RBPJ: variants seen among roughly 807,000 people sequenced by gnomAD.
RBPJ encodes the protein recombination signal binding protein for immunoglobulin kappa J region, also known as recombining binding protein suppressor of hairless.
RBPJ carries 9 observed loss-of-function variants against 67.8 expected under a neutral mutation model. The ratio of observed to expected loss-of-function variants is 0.13; its 90% CI spans 0.08 to 0.23. The LOEUF (loss-of-function observed/expected upper bound fraction) is 0.23, where lower values mean the gene tolerates loss of function less well. RBPJ is among the 10% of genes least tolerant of loss of function. The pLI is 1.00. For missense variants in RBPJ, 305 were observed against 595.6 expected, an observed-to-expected ratio of 0.51 and a Z score of 5.08; for synonymous variants, 198 against 203.3, an observed-to-expected ratio of 0.97 and a Z score of 0.22.
At chr4:26,120,761 T>A in the RBPJ span, among the ~76,000 whole-genome samples, 14 of 129,986 alleles carry the variant, frequency 1.1e-4, no homozygotes, top group African/African-American at 4.1e-4. Context: ...ATAAGCAATA[T>A]CCCAGCTTTA....
intron 1 of RBPJ, among the ~76,000 whole-genome samples, chr4:26,244,317 A>G (rs62639476): frequency 0.13 from 10,456 of 80,840 alleles, 981 homozygotes; most frequent in Non-Finnish European, 0.2. Context: ...ATATGTGTGT[A>G]TATGTATACA....
intron 1 of RBPJ, among the ~76,000 whole-genome samples, chr4:26,343,583 T>C (rs1261488897): frequency 6.6e-6 from 1 of 151,776 alleles, no homozygotes; most frequent in East Asian, 1.9e-4. Context: ...AATCTCGCGC[T>C]GTTGCCTAGG....
chr4:26,331,632 A>T (rs1191387687), intron 1 of RBPJ, among the ~76,000 whole-genome samples: 3 of 151,824 alleles, frequency 2.0e-5, no homozygotes, highest in African/African-American at 7.3e-5. Flanking sequence ...GCTGCTTATG[A>T]TCTTTGTCTT....
intron 1 of RBPJ, among the ~76,000 whole-genome samples, chr4:26,172,618 T>G (rs1454955238): frequency 6.6e-6 from 1 of 152,162 alleles, no homozygotes; most frequent in African/African-American, 2.4e-5. Context: ...AGAAATCTCT[T>G]TTGGAATGTC....
the RBPJ span, among the ~76,000 whole-genome samples, chr4:26,142,005 G>A: frequency 1.3e-5 from 2 of 152,256 alleles, no homozygotes; most frequent in African/African-American, 4.8e-5. Context: ...AACCTCTGAG[G>A]CTTTGCAGTT....
At chr4:26,398,512 G>A (rs1458354747) in intron 2 of RBPJ, among the ~76,000 whole-genome samples, 1 of 152,196 alleles carries the variant, frequency 6.6e-6, no homozygotes, top group African/African-American at 2.4e-5. Context: ...AATTTACTTT[G>A]AGAAACACTA....
chr4:26,391,433 A>G (rs1731491543), intron 2 of RBPJ, among the ~76,000 whole-genome samples: 1 of 152,178 alleles, frequency 6.6e-6, no homozygotes, highest in Admixed American at 6.5e-5. Context: ...TTGTAGAACA[A>G]TTGGATATCC....
At chr4:26,211,194 C>T (rs888456144) in intron 1 of RBPJ, among the ~76,000 whole-genome samples, 1 of 152,126 alleles carries the variant, frequency 6.6e-6, no homozygotes, top group Non-Finnish European at 1.5e-5. Flanking sequence ...TGTATGTGTG[C>T]AATGTACATA....
the RBPJ span, among the ~76,000 whole-genome samples, chr4:26,136,693 A>G: frequency 4.3e-4 from 66 of 152,338 alleles, no homozygotes; most frequent in African/African-American, 1.5e-3. Flanking sequence ...GATCATCATC[A>G]TTATCATTGG....
At chr4:26,356,431 TTTGTAACCCATTTGAAATG>T (rs1727386523) in intron 1 of RBPJ, among the ~76,000 whole-genome samples, 1 of 152,142 alleles carries the variant, frequency 6.6e-6, no homozygotes, top group African/African-American at 2.4e-5. Context: ...TTCCTGTCTG[TTTGTAACCCATTTGAAATG>T]TTGCACAAAT....
chr4:26,143,364 C>T, the RBPJ span, among the ~76,000 whole-genome samples: 1 of 152,218 alleles, frequency 6.6e-6, no homozygotes, highest in Non-Finnish European at 1.5e-5. Context: ...CACTCCTGTG[C>T]TCAAAACCCT....
chr4:26,255,359 G>A (rs868837371), intron 1 of RBPJ, among the ~76,000 whole-genome samples: 17 of 108,056 alleles, frequency 1.6e-4, no homozygotes, highest in African/African-American at 5.3e-4. Flanking sequence ...AGCCGAGATC[G>A]CGCCACCGCA....
the RBPJ span, among the ~76,000 whole-genome samples, chr4:26,157,090 C>CAAAAAAAAAAAAAAAAAAAA: frequency 2.4e-5 from 1 of 41,758 alleles, no homozygotes; most frequent in South Asian, 8.1e-4. Flanking sequence ...AACAAACAAA[C>CAAAAAAAAAAAAAAAAAAAA]AAACAAACAA....
chr4:26,231,510 C>A (rs1719285022), intron 1 of RBPJ, among the ~76,000 whole-genome samples: 1 of 151,502 alleles, frequency 6.6e-6, no homozygotes, highest in Admixed American at 6.6e-5. Flanking sequence ...CTCCCAGGTT[C>A]AAGCGATTCT....
At chr4:26,258,375 A>G (rs1343616114) in intron 1 of RBPJ, among the ~76,000 whole-genome samples, 2 of 152,182 alleles carry the variant, frequency 1.3e-5, no homozygotes, top group Non-Finnish European at 2.9e-5. Flanking sequence ...TCAAACCTCC[A>G]TTAATAAAAT....
At chr4:26,175,919 T>G (rs1716779046) in intron 1 of RBPJ, among the ~76,000 whole-genome samples, 1 of 152,132 alleles carries the variant, frequency 6.6e-6, no homozygotes, top group African/African-American at 2.4e-5. Context: ...GGCAAGGTGT[T>G]ACGCACCTTC....
the RBPJ span, among the ~76,000 whole-genome samples, chr4:26,141,888 C>T: frequency 6.6e-6 from 1 of 152,204 alleles, no homozygotes; most frequent in South Asian, 2.1e-4. Flanking sequence ...CCCCTTCCCC[C>T]AAAAGAAGCA....
chr4:26,172,469 G>T (rs1716629579), intron 1 of RBPJ, among the ~76,000 whole-genome samples: 1 of 152,166 alleles, frequency 6.6e-6, no homozygotes, highest in African/African-American at 2.4e-5. Context: ...TCTCAGCCCT[G>T]AAAAGTCTCC....
intron 7 of RBPJ, among the ~76,000 whole-genome samples, chr4:26,427,397 T>G (rs1272039392): frequency 6.6e-6 from 1 of 152,178 alleles, no homozygotes; most frequent in Non-Finnish European, 1.5e-5. Context: ...GAATAGGTAG[T>G]TAAGTGTACA....
Sources: allele counts gnomAD v4.1 joint callset (sites outside exome capture counted in the v4.1 genomes callset), GRCh38; gene constraint gnomAD v4.1.1; transcripts MANE v1.5; gene names NCBI Gene and HGNC (gene_info 2026-07-23, HGNC 2026-07-21).